The following CADM3 variants were observed in gnomAD, a reference collection of about 807,000 sequenced individuals.
The protein encoded by CADM3 is cell adhesion molecule 3.
In CADM3, 11 loss-of-function variants were observed where a neutral mutation model predicts 44.9. The observed-to-expected ratio is 0.25, with a 90% CI of 0.15 to 0.41. The LOEUF (loss-of-function observed/expected upper bound fraction) is 0.41, where lower values mean the gene tolerates loss of function less well. Ranked by LOEUF, CADM3 falls within the 10% of genes least tolerant of loss-of-function variation. CADM3 has a pLI of 1.00. For synonymous variants in CADM3, 207 were observed against 205.2 expected (o/e 1.01, Z -0.08); for missense variants, 426 against 512.0 (o/e 0.83, Z 1.62).
intron 1 of CADM3, among the ~76,000 whole-genome samples, chr1:159,177,327 G>T (rs1455334605): frequency 6.6e-6 from 1 of 152,170 alleles, no homozygotes; most frequent in Non-Finnish European, 1.5e-5. Context: ...GATGAGCGTA[G>T]AGTGATCCTA....
At chr1:159,194,090 C>T (rs1236024980) in intron 5 of CADM3, 50 bp downstream of exon 5, 1 of 1,559,696 alleles carries the variant, frequency 6.4e-7, no homozygotes, top group South Asian at 1.2e-5. Flanking sequence ...AGATGAGGAC[C>T]AGGGAGAAAG....
chr1:159,175,908 G>A (rs569795598), intron 1 of CADM3, among the ~76,000 whole-genome samples: 2 of 152,306 alleles, frequency 1.3e-5, no homozygotes, highest in South Asian at 4.1e-4. Context: ...TAAATTCTTA[G>A]ATTTGATTTT....
rs750910575 is a variant in CADM3 at position 159,171,829 on chromosome 1, G to A, written c.64G>A (p.Gly22Ser). ...LLLFACCWAP[G>S]GANLSQDDSQ... ...GCTGTTCGCCTGCTGCTGGGCGCCC[G>A]GCGGGGCCAACCTCTCCCAGGACGG... Residue 22 changes from glycine (G) to serine (S), a missense_variant, in exon 1 of 9, where the codon GGC becomes AGC. By Grantham distance (56) the Gly-to-Ser change is moderately conservative. Around this residue, in one of 2 missense-constraint regions of CADM3, gnomAD observed 64 missense variants for 37.4 expected, o/e 1.71. Coordinates refer to ENST00000368125, the MANE Select transcript of CADM3 (RefSeq NM_001127173.3). 6 of 1,245,694 alleles carry A rather than the reference G, an allele frequency of 4.8e-6. No homozygotes were observed. The highest frequency in any genetic ancestry group is 2.2e-4 in the Middle Eastern group (1 of 4,650). The allele number at this position is 1,245,694 out of a possible 1,614,324, so 77.2% of individuals were successfully genotyped here. A position where few individuals can be genotyped will look rare whatever the true frequency, so the allele number is the denominator to read the frequency against.
At chr1:159,176,236 T>A (rs1649011279) in intron 1 of CADM3, among the ~76,000 whole-genome samples, 1 of 152,202 alleles carries the variant, frequency 6.6e-6, no homozygotes, top group Non-Finnish European at 1.5e-5. Context: ...AATTCAAAGT[T>A]ATTATAAAGT....
At chr1:159,181,591 C>T (rs1649230535) in intron 1 of CADM3, among the ~76,000 whole-genome samples, 1 of 152,180 alleles carries the variant, frequency 6.6e-6, no homozygotes, top group African/African-American at 2.4e-5. Flanking sequence ...GTCTAGAGCA[C>T]ACAGCCCAGT....
chr1:159,199,285 A>T (rs578046845), intron 7 of CADM3, among the ~76,000 whole-genome samples: 1 of 152,006 alleles, frequency 6.6e-6, no homozygotes, highest in Admixed American at 6.6e-5. Context: ...ACACTCTGAT[A>T]ACCCAGAAAT....
At chr1:159,196,299 CTAAG>C (rs1221907347) in intron 5 of CADM3, 61 bp from the exon 6 acceptor site, 1 of 1,294,196 alleles carries the variant, frequency 7.7e-7, no homozygotes, top group Non-Finnish European at 1.1e-6. Context: ...TAGTGTGCAA[CTAAG>C]TGAGGGAATC....
intron 1 of CADM3, among the ~76,000 whole-genome samples, chr1:159,173,531 C>G (rs1300393735): frequency 6.6e-6 from 1 of 152,158 alleles, no homozygotes; most frequent in African/African-American, 2.4e-5. Context: ...GTGGAATCCC[C>G]TTCCCCAGAG....
intron 1 of CADM3, chr1:159,189,728 G>A: frequency 7.0e-7 from 1 of 1,422,296 alleles, no homozygotes; most frequent in Admixed American, 1.8e-5. Context: ...CACTGTAGCA[G>A]GATACATGTA....
intron 1 of CADM3, among the ~76,000 whole-genome samples, chr1:159,188,588 C>T (rs1006385545): frequency 6.6e-6 from 1 of 152,146 alleles, no homozygotes; most frequent in Non-Finnish European, 1.5e-5. Flanking sequence ...CACGTAGCAG[C>T]TCTGGGCTCT....
intron 1 of CADM3, among the ~76,000 whole-genome samples, chr1:159,174,073 T>A (rs975847878): frequency 2.0e-5 from 3 of 152,040 alleles, no homozygotes; most frequent in African/African-American, 7.2e-5. Context: ...GGTGGGGAAG[T>A]GGGAGATGAA....
chr1:159,179,178 T>C (rs972246645), intron 1 of CADM3, among the ~76,000 whole-genome samples: 1 of 152,146 alleles, frequency 6.6e-6, no homozygotes, highest in Non-Finnish European at 1.5e-5. Flanking sequence ...AATCTCAACA[T>C]ATTTTTCAGC....
At chr1:159,190,370 G>C (rs1376591752) in intron 1 of CADM3, among the ~76,000 whole-genome samples, 1 of 152,184 alleles carries the variant, frequency 6.6e-6, no homozygotes, top group Non-Finnish European at 1.5e-5. Flanking sequence ...ATGATGACTT[G>C]AGAAGCATTT....
Position 159,202,858 on chromosome 1 carries a change from A to G in CADM3, c.*1936A>G, listed in dbSNP as rs1374562984. On this transcript the variant is annotated 3_prime_UTR_variant, in exon 9 of 9. Coordinates refer to ENST00000368125, the MANE Select transcript of CADM3 (RefSeq NM_001127173.3). The stretch of plus-strand genomic sequence containing the variant: ...GGCCTACTCCTCTTACAACAGCAAG[A>G]GAGCCCTGGGGCCCCAGGCCTGTTG... 4 of 151,968 alleles carry G rather than the reference A, an allele frequency of 2.6e-5. No individual in the cohort carries two copies. The highest frequency in any genetic ancestry group is 5.9e-5 in the Non-Finnish European group (4 of 68,008). 9.4% of individuals were successfully genotyped at this position (151,968 alleles called of 1,614,324 possible). A position where few individuals can be genotyped will look rare whatever the true frequency, so the allele number is the denominator to read the frequency against.
chr1:159,193,390 C>T, intron 3 of CADM3, 33 bp from the exon 4 acceptor site: 2 of 1,560,290 alleles, frequency 1.3e-6, no homozygotes, highest in Non-Finnish European at 1.7e-6. Flanking sequence ...GGGGCCTCTC[C>T]TTCCTATCCT....
intron 1 of CADM3, among the ~76,000 whole-genome samples, chr1:159,180,668 G>A (rs1293313931): frequency 1.3e-5 from 2 of 151,938 alleles, no homozygotes; most frequent in Admixed American, 1.3e-4. Flanking sequence ...GTGTGGGTGT[G>A]TAGAGCAGAA....
At chr1:159,178,124 T>C (rs1008027746) in intron 1 of CADM3, among the ~76,000 whole-genome samples, 3 of 152,202 alleles carry the variant, frequency 2.0e-5, no homozygotes, top group African/African-American at 7.2e-5. Flanking sequence ...TTTTACTGTA[T>C]TGTTTAGGCA....
chr1:159,196,590 C>A, intron 6 of CADM3, 136 bp downstream of exon 6: 1 of 734,108 alleles, frequency 1.4e-6, no homozygotes. Context: ...CAATAATGTC[C>A]GCCTGCAATT....
chr1:159,184,104 G>A (rs559279783), intron 1 of CADM3, among the ~76,000 whole-genome samples: 5 of 152,272 alleles, frequency 3.3e-5, no homozygotes, highest in African/African-American at 1.2e-4. Flanking sequence ...CTGTCACTCT[G>A]AGCATAAAGA....
Sources: gnomAD v4.1 joint callset for allele counts (sites outside exome capture counted in the v4.1 genomes callset) on GRCh38, gnomAD v4.1.1 for gene constraint, gnomAD v4.1.1 regional missense constraint, MANE v1.5 for transcripts, NCBI Gene and HGNC (gene_info 2026-07-23, HGNC 2026-07-21) for gene names.